Variants in SPIB observed in about 807,000 individuals in gnomAD.
The protein encoded by SPIB is Spi-B transcription factor.
SPIB carries 7 observed loss-of-function variants against 31.9 expected under a neutral mutation model. The observed-to-expected ratio is 0.22, with a 90% CI of 0.12 to 0.41. The LOEUF (loss-of-function observed/expected upper bound fraction) is 0.41. SPIB is among the 10% of genes least tolerant of loss of function. The pLI is 1.00. For synonymous variants in SPIB, 176 were observed against 158.9 expected (o/e 1.11, Z -0.81); for missense variants, 327 against 360.2 (o/e 0.91, Z 0.75).
chr19:50,425,881 C>T (rs981086617), intron 5 of SPIB, among the ~76,000 whole-genome samples: 1 of 152,056 alleles, frequency 6.6e-6, no homozygotes, highest in African/African-American at 2.4e-5. Context: ...GGGTCCAAGG[C>T]GTCGGCCAAA....
chr19:50,425,702 A>G (rs2039556513), intron 5 of SPIB, among the ~76,000 whole-genome samples: 1 of 152,198 alleles, frequency 6.6e-6, no homozygotes, highest in Non-Finnish European at 1.5e-5. Context: ...TCAGCCTCCC[A>G]AAGTGCTGAA....
In SPIB at chr19:50,428,138, C is replaced by G. The variant is rs886652142; in HGVS notation, c.591C>G (p.Val197=). 1.9e-6 allele frequency: 3 copies of G among 1,586,480 alleles called. No homozygotes were observed. The African/African-American group carries it at 4.0e-5, about 21-fold the overall frequency. The change falls in exon 6 of 6, where the codon GTC becomes GTG. Residue 197 remains valine (V), a synonymous_variant. Coordinates refer to ENST00000595883, the MANE Select transcript of SPIB (RefSeq NM_003121.5). This position sits in a 1 kb window ranked among gnomAD's most constrained non-coding sequence, Gnocchi z 6.5. ...GGTGGGTGGAGCCAGGCGCCGGCGTCTTCCAGTTCTCCTCCAAGCACAAGG... is the reference window on the plus strand; with the variant it reads ...GGTGGGTGGAGCCAGGCGCCGGCGTGTTCCAGTTCTCCTCCAAGCACAAGG... ...CVWWVEPGAG[V]FQFSSKHKEL...
Position 50,423,670 on chromosome 19 carries a change from G to A in SPIB, c.405G>A (p.Pro135=), listed in dbSNP as rs74690669. 748 of 1,613,976 alleles carry A rather than the reference G, an allele frequency of 4.6e-4. 5 individuals are homozygous for A. In the African/African-American group the frequency reaches 7.2e-3, roughly 16 times the overall value. Residue 135 remains proline, a synonymous_variant, in exon 5 of 6, where the codon CCG becomes CCA. Coordinates refer to ENST00000595883, the MANE Select transcript of SPIB (RefSeq NM_003121.5). ...SPVLSEEEDL[P]LDSPALEVSD... ...TGCTATCAGAGGAGGAAGACTTACC[G>A]TTGGACAGCCCTGCCCTGGAGGTCT...
intron 5 of SPIB, among the ~76,000 whole-genome samples, chr19:50,426,779 C>T (rs909592289): frequency 4.3e-4 from 66 of 152,032 alleles, no homozygotes; most frequent in African/African-American, 1.5e-3. Flanking sequence ...ACAGGCATGG[C>T]CCACCGCGCC....
chr19:50,419,942 C>CT lies in SPIB; in HGVS notation c.24-4_24-3insT. 1.3e-6 allele frequency: 2 copies of CT among 1,530,000 alleles called. No individual in the cohort carries two copies. Among genetic ancestry groups the CT allele is most frequent in the Admixed American group, 4.7e-5 (2 of 42,832 alleles). The allele number at this position is 1,530,000 out of a possible 1,614,324, so 94.8% of individuals were successfully genotyped here. A position where few individuals can be genotyped will look rare whatever the true frequency, so the allele number is the denominator to read the frequency against. ...AGCATGCCCCTGTGTCTCTCCCCCT[C>CT]CAGGCTCGACGGGCCACACTTCAGC... On this transcript the variant is annotated splice_polypyrimidine_tract_variant and splice_region_variant and intron_variant, in intron 1 of 5. Transcript: ENST00000595883.
In SPIB at chr19:50,422,502, C is replaced by G; in HGVS notation, c.81C>G (p.Asp27Glu). The G allele has an allele frequency of 7.4e-6, 12 of 1,614,032 alleles. No homozygotes were observed. Among genetic ancestry groups the G allele is most frequent in the Non-Finnish European group, 1.0e-5 (12 of 1,179,948 alleles). ...CAGATGGCGTCTTCTATGACCTGGA[C>G]AGCTGCAAGCATTCCAGCTACCCTG... Reference protein sequence around the residue: ...LYPDGVFYDLDSCKHSSYPDS... With the variant: ...LYPDGVFYDLESCKHSSYPDS... The change falls in exon 3 of 6, where the codon GAC (aspartate) becomes GAG (glutamate). Residue 27 changes from aspartate to glutamate, a missense_variant. Physicochemically the swap from Asp to Glu is conservative, Grantham distance 45. Transcript: ENST00000595883.
At chr19:50,422,365 C>A in intron 2 of SPIB, 108 bp from the exon 3 acceptor site, 1 of 845,196 alleles carries the variant, frequency 1.2e-6, no homozygotes, top group South Asian at 1.6e-5. Context: ...TCCAGCATCC[C>A]CTCTTCTCTC....
chr19:50,418,940 C>T lies in SPIB; in HGVS notation c.-23C>T, dbSNP rs780991062. ...TAGGGTTGGCGGCTGCAGCGGGCGG[C>T]AAACAGCCCGCCCGGCACCACCATG... On this transcript the variant is annotated 5_prime_UTR_variant, in exon 1 of 6. Coordinates refer to ENST00000595883, the MANE Select transcript of SPIB (RefSeq NM_003121.5). The surrounding 1 kb of genome is among the most constrained non-coding windows in gnomAD (Gnocchi z 6.0). 7.3e-5 allele frequency: 114 copies of T among 1,552,362 alleles called. 4 individuals are homozygous for T. The South Asian group carries it at 1.4e-3, about 18-fold the overall frequency.
rs1334659523 is a variant in SPIB, at chr19:50,428,087, G to A, written c.540G>A (p.Thr180=). ...RLYQFLLGLL[T]RGDMRECVWW... ...ACCAGTTCCTGCTGGGGCTACTGAC[G>A]CGCGGGGACATGCGTGAGTGCGTGT... The change falls in exon 6 of 6, where the codon ACG becomes ACA. Residue 180 remains threonine, a synonymous_variant. Transcript: ENST00000595883. The surrounding 1 kb of genome is among the most constrained non-coding windows in gnomAD (Gnocchi z 6.5). 5 of 1,578,878 alleles carry A rather than the reference G, an allele frequency of 3.2e-6. No homozygotes were observed. The highest frequency in any genetic ancestry group is 3.4e-6 in the Non-Finnish European group (4 of 1,161,124).
intron 2 of SPIB, 102 bp from the exon 3 acceptor site, chr19:50,422,369 TTC>T: frequency 1.1e-6 from 1 of 904,018 alleles, no homozygotes; most frequent in Non-Finnish European, 1.7e-6. Context: ...GCATCCCCTC[TTC>T]TCTCCCATGT....
intron 5 of SPIB, among the ~76,000 whole-genome samples, chr19:50,424,133 T>C (rs1485994811): frequency 2.0e-5 from 3 of 152,140 alleles, no homozygotes; most frequent in African/African-American, 4.8e-5. Context: ...GGTTCAACCC[T>C]TGCCCCCTGC....
chr19:50,422,703 A>T (rs111450722), intron 3 of SPIB, 120 bp from the exon 4 acceptor site: 122 of 1,072,658 alleles, frequency 1.1e-4, no homozygotes, highest in Non-Finnish European at 1.6e-4. Context: ...CCGCTCCTCC[A>T]TGCAAATCCT....
intron 1 of SPIB, 78 bp downstream of exon 1, chr19:50,419,063 G>A: frequency 6.6e-7 from 1 of 1,518,016 alleles, no homozygotes; most frequent in African/African-American, 1.4e-5. Context: ...CATGGGCAGT[G>A]GTTTCTCTGC....
chr19:50,426,635 A>C (rs754013953), intron 5 of SPIB, among the ~76,000 whole-genome samples: 2 of 152,080 alleles, frequency 1.3e-5, no homozygotes, highest in Non-Finnish European at 2.9e-5. Flanking sequence ...CTGGGATTAC[A>C]GGCATGAGCC....
Position 50,428,028 on chromosome 19 carries a change from C to G in SPIB, c.491-10C>G, listed in dbSNP as rs1176066126. 6.7e-7 allele frequency: 1 copy of G among 1,501,560 alleles called. No individual in the cohort carries two copies. Among genetic ancestry groups the G allele is most frequent in the Non-Finnish European group, 8.9e-7 (1 of 1,118,148 alleles). 93.0% of individuals were successfully genotyped at this position (1,501,560 alleles called of 1,614,324 possible). ...CCCTCACCTAACGCGTGCCCCCGAC[C>G]CCACCGCAGGGACTCGCAAGAAGCT... On this transcript the variant is annotated splice_polypyrimidine_tract_variant and intron_variant, in intron 5 of 5. Coordinates refer to ENST00000595883, the MANE Select transcript of SPIB (RefSeq NM_003121.5). This position sits in a 1 kb window ranked among gnomAD's most constrained non-coding sequence, Gnocchi z 6.5.
At chr19:50,425,863 C>T (rs1478483832) in intron 5 of SPIB, among the ~76,000 whole-genome samples, 3 of 152,134 alleles carry the variant, frequency 2.0e-5, no homozygotes, top group Admixed American at 2.0e-4. Flanking sequence ...TGGACTGACG[C>T]CTTTATTGGG....
chr19:50,419,015 G>C (rs765181026), intron 1 of SPIB, 30 bp downstream of exon 1: 1 of 1,550,490 alleles, frequency 6.4e-7, no homozygotes, highest in African/African-American at 1.4e-5. Context: ...CCTGCACCCG[G>C]GGTCCCCACC....
rs141734267 is a variant in SPIB, at chr19:50,422,897, G to A, written c.199G>A (p.Ala67Thr). The change falls in exon 4 of 6, where the codon GCT becomes ACT. Residue 67 changes from alanine to threonine, a missense_variant. Coordinates refer to ENST00000595883, the MANE Select transcript of SPIB (RefSeq NM_003121.5). ...PYEAFDPAAA[A>T]FSHPQAAQLC... ...TGAAGCCTTCGACCCGGCAGCAGCC[G>A]CTTTTAGCCACCCCCAGGCTGCCCA... The A allele has an allele frequency of 3.2e-5, 51 of 1,610,038 alleles. No individual in the cohort carries two copies. The highest frequency in any genetic ancestry group is 1.9e-4 in the South Asian group (17 of 90,756).
At chr19:50,420,666 C>T (rs960716813) in intron 2 of SPIB, among the ~76,000 whole-genome samples, 3 of 152,188 alleles carry the variant, frequency 2.0e-5, no homozygotes, top group African/African-American at 4.8e-5. Context: ...CTCGCTCTGT[C>T]ACCCAGGCTG....
Sources: gnomAD v4.1 joint callset for allele counts (sites outside exome capture counted in the v4.1 genomes callset) on GRCh38, gnomAD v4.1.1 for gene constraint, Gnocchi (gnomAD v3.1) non-coding constraint, MANE v1.5 for transcripts, NCBI Gene and HGNC (gene_info 2026-07-23, HGNC 2026-07-21) for gene names.